ARID4B: variants seen among roughly 807,000 people sequenced by gnomAD.
ARID4B encodes the protein AT-rich interaction domain 4B.
ARID4B carries 26 observed loss-of-function variants against 147.5 expected under a neutral mutation model. The observed-to-expected ratio is 0.18, with a 90% CI of 0.13 to 0.24. The LOEUF is 0.24. Among genes scored for constraint, ARID4B ranks in the 10% least tolerant of loss-of-function variants. The pLI is 1.00. For missense variants in ARID4B, 1,179 were observed against 1,511.5 expected, an observed-to-expected ratio of 0.78 and a Z score of 3.65; for synonymous variants, 512 against 507.9, an observed-to-expected ratio of 1.01 and a Z score of -0.11.
chr1:235,261,478 C>T (rs545781712), intron 2 of ARID4B, among the ~76,000 whole-genome samples: 4 of 152,220 alleles, frequency 2.6e-5, no homozygotes, highest in African/African-American at 4.8e-5. Context: ...GAAAAGTGAT[C>T]GTGCCACTGA....
At chr1:235,204,357 G>C (rs1199305376) in intron 17 of ARID4B, among the ~76,000 whole-genome samples, 1 of 152,070 alleles carries the variant, frequency 6.6e-6, no homozygotes, top group Non-Finnish European at 1.5e-5. Context: ...TCCTAAGTAT[G>C]ATATAAACAT....
At chr1:235,295,673 G>A (rs1672647039) in intron 2 of ARID4B, among the ~76,000 whole-genome samples, 1 of 151,970 alleles carries the variant, frequency 6.6e-6, no homozygotes. Flanking sequence ...AGCCAGGCAT[G>A]GTGGAGGGTG....
chr1:235,171,751 T>C (rs540590728), intron 23 of ARID4B, among the ~76,000 whole-genome samples: 306 of 152,190 alleles, frequency 2.0e-3, no homozygotes, highest in African/African-American at 6.8e-3. Context: ...GCAATTCTCC[T>C]GCGTCGGCCT....
chr1:235,245,463 A>C (rs1669241404), intron 7 of ARID4B, among the ~76,000 whole-genome samples: 1 of 152,176 alleles, frequency 6.6e-6, no homozygotes, highest in East Asian at 1.9e-4. Flanking sequence ...TAAAATCGTA[A>C]AAATATGTCT....
intron 17 of ARID4B, among the ~76,000 whole-genome samples, chr1:235,212,579 C>T (rs1666782633): frequency 6.6e-6 from 1 of 152,084 alleles, no homozygotes; most frequent in African/African-American, 2.4e-5. Context: ...CTTCCTATTA[C>T]ACAACAGGAC....
intron 7 of ARID4B, 172 bp from the exon 8 acceptor site, chr1:235,240,623 T>C: frequency 7.8e-6 from 5 of 643,510 alleles, no homozygotes; most frequent in Middle Eastern, 4.2e-4. Flanking sequence ...CAAGAGTTTA[T>C]CATGAGAGGA....
At chr1:235,198,327 C>T (rs1353477304) in intron 17 of ARID4B, among the ~76,000 whole-genome samples, 4 of 152,110 alleles carry the variant, frequency 2.6e-5, no homozygotes, top group African/African-American at 9.7e-5. Context: ...TAGTAGTTTT[C>T]AATTTAAGAA....
Position 235,213,900 on chromosome 1 carries a change from T to C in ARID4B, c.1710A>G (p.Pro570=). The change falls in exon 17 of 24, where the codon CCA becomes CCG. Residue 570 remains proline (P), a synonymous_variant. Transcript: ENST00000264183. ...NNEEEEFECY[P]PGMKVQVRYG... is the part of the protein sequence containing the mutation. The stretch of plus-strand genomic sequence containing the variant: ...ACCGCACTTGGACTTTCATGCCTGG[T>C]GGATAGCACTCAAACTCCTCTTCCT... 1 of 1,614,152 alleles carries C rather than the reference T, an allele frequency of 6.2e-7. No individual in the cohort carries two copies. Among genetic ancestry groups the C allele is most frequent in the Non-Finnish European group, 8.5e-7 (1 of 1,180,006 alleles).
At chr1:235,188,098 T>A in intron 19 of ARID4B, among the ~76,000 whole-genome samples, 1 of 152,012 alleles carries the variant, frequency 6.6e-6, no homozygotes. Context: ...ATAGGATAAA[T>A]ATGTGTGTGG....
chr1:235,262,537 T>C (rs757362031), intron 2 of ARID4B, among the ~76,000 whole-genome samples: 7 of 152,192 alleles, frequency 4.6e-5, no homozygotes, highest in Non-Finnish European at 8.8e-5. Flanking sequence ...AGTGAATAAA[T>C]GCATTTCTAC....
chr1:235,296,243 A>G (rs981424669), intron 2 of ARID4B: 16 of 154,892 alleles, frequency 1.0e-4, no homozygotes, highest in Non-Finnish European at 1.9e-4. Flanking sequence ...GACATGGCCA[A>G]TATCAACACC....
intron 2 of ARID4B, among the ~76,000 whole-genome samples, chr1:235,268,016 G>C (rs986033166): frequency 6.6e-6 from 1 of 152,128 alleles, no homozygotes; most frequent in African/African-American, 2.4e-5. Flanking sequence ...ATTTGTGAAG[G>C]GGTAAGGGTT....
chr1:235,230,879 C>T (rs1176956071), intron 10 of ARID4B, among the ~76,000 whole-genome samples: 7 of 150,534 alleles, frequency 4.7e-5, no homozygotes, highest in East Asian at 2.0e-4. Context: ...GCCGAGATTG[C>T]GCCACTCCAC....
intron 2 of ARID4B, among the ~76,000 whole-genome samples, chr1:235,267,406 A>T (rs1396904671): frequency 2.0e-5 from 3 of 152,260 alleles, no homozygotes; most frequent in Admixed American, 1.3e-4. Context: ...AAAATAATGG[A>T]GATAATTCCA....
In ARID4B at chr1:235,168,310, A is replaced by G. The variant is rs1663084427; in HGVS notation, c.*215T>C. 4.2e-6 allele frequency: 2 copies of G among 476,984 alleles called. No homozygotes were observed. The highest frequency in any genetic ancestry group is 4.0e-5 in the African/African-American group (2 of 50,556). The allele number at this position is 476,984 out of a possible 1,614,324, so 29.5% of individuals were successfully genotyped here. ...TCCAGTTACCAGACACACAATTCCC[A>G]GACAAGTTGGAAACAATTATTGCTT... On this transcript the variant is annotated 3_prime_UTR_variant, in exon 24 of 24. Coordinates refer to ENST00000264183, the MANE Select transcript of ARID4B (RefSeq NM_016374.6).
In ARID4B at chr1:235,232,825, A is replaced by AT. The variant is rs1011648617; in HGVS notation, c.665+1587dup. On this transcript the variant is annotated intron_variant, in intron 9 of 23. Coordinates refer to ENST00000264183, the MANE Select transcript of ARID4B (RefSeq NM_016374.6). ...CCAATTTTGTTAAAGTTGGTTCTAC[A>AT]TTTTTTTTTGTTTTGTTTTGTTTTG... is the stretch of plus-strand genomic sequence containing the variant. Among the ~76,000 whole-genome samples the AT allele has an allele frequency of 2.3e-3, 351 of 150,314 alleles. 3 individuals carry two copies. The highest frequency in any genetic ancestry group is 0.018 in the East Asian group (94 of 5,106).
intron 2 of ARID4B, among the ~76,000 whole-genome samples, chr1:235,284,942 C>T (rs1462849357): frequency 6.6e-6 from 1 of 151,848 alleles, no homozygotes; most frequent in Non-Finnish European, 1.5e-5. Context: ...CTTGTTCTAT[C>T]ACCCAGGCTG....
chr1:235,219,434 G>A (rs996080937), intron 16 of ARID4B, among the ~76,000 whole-genome samples: 1 of 152,046 alleles, frequency 6.6e-6, no homozygotes, highest in African/African-American at 2.4e-5. Flanking sequence ...TTTTGCTTAA[G>A]AAATAAATAC....
chr1:235,276,850 A>G (rs1177074541), intron 2 of ARID4B, among the ~76,000 whole-genome samples: 4 of 151,726 alleles, frequency 2.6e-5, no homozygotes, highest in Non-Finnish European at 5.9e-5. Context: ...AATACAAAAA[A>G]TTAGCTGGGA....
Sources: gnomAD v4.1 joint callset for allele counts (sites outside exome capture counted in the v4.1 genomes callset) on GRCh38, gnomAD v4.1.1 for gene constraint, MANE v1.5 for transcripts, NCBI Gene and HGNC (gene_info 2026-07-23, HGNC 2026-07-21) for gene names.